The following PAK3 variants were observed in gnomAD, a reference collection of about 807,000 sequenced individuals.
PAK3 encodes the protein p21 (RAC1) activated kinase 3, also known as serine/threonine-protein kinase PAK 3.
PAK3 carries 4 observed loss-of-function variants against 41.0 expected under a neutral mutation model. The ratio of observed to expected loss-of-function variants is 0.10; its 90% CI spans 0.05 to 0.22. The LOEUF is 0.22. Ranked by LOEUF, PAK3 falls within the 10% of genes least tolerant of loss-of-function variation. The pLI is 1.00. For missense variants in PAK3, 205 were observed against 409.9 expected, an observed-to-expected ratio of 0.50 and a Z score of 4.32; for synonymous variants, 146 against 139.6, an observed-to-expected ratio of 1.05 and a Z score of -0.32.
chrX:111,002,767 A>C (rs2091868500), intron 1 of PAK3, among the ~76,000 whole-genome samples: 1 of 110,878 alleles, frequency 9.0e-6, no homozygotes, highest in East Asian at 2.9e-4. Context: ...CTGCAGTAGA[A>C]CTCTGGTCTT....
intron 1 of PAK3, among the ~76,000 whole-genome samples, chrX:111,048,263 C>T (rs1041150822): frequency 9.0e-6 from 1 of 111,107 alleles, no homozygotes; most frequent in Admixed American, 9.6e-5. Context: ...TCTATGTCAT[C>T]TCTAATTGTT....
intron 1 of PAK3, among the ~76,000 whole-genome samples, chrX:111,010,404 G>A (rs73537163): frequency 0.023 from 2,542 of 111,383 alleles, 82 homozygotes; most frequent in African/African-American, 0.08. Context: ...TCATGGTTGT[G>A]TGAACTCTTA....
intron 1 of PAK3, among the ~76,000 whole-genome samples, chrX:110,991,411 A>G (rs1229133812): frequency 9.0e-6 from 1 of 111,543 alleles, no homozygotes; most frequent in Non-Finnish European, 1.9e-5. Context: ...GGGCTTTGGA[A>G]TCTGTCTAAT....
chrX:111,211,700 A>G (rs2094823108), intron 16 of PAK3, among the ~76,000 whole-genome samples: 1 of 109,304 alleles, frequency 9.1e-6, no homozygotes, highest in African/African-American at 3.3e-5. Context: ...AAGAAAGAAA[A>G]TGTATGTGTT....
chrX:110,980,658 C>A lies in PAK3; in HGVS notation c.-28+36030C>A, dbSNP rs181529223. Among the ~76,000 whole-genome samples, 10 of 111,476 alleles carry A rather than the reference C, an allele frequency of 9.0e-5. No individual in the cohort carries two copies. The East Asian group carries it at 2.5e-3, about 28-fold the overall frequency. ...ACATGGGAGCCTTCAGAATGAAGAC[C>A]CAAAGATACAGAGAAAATTTTCCAT... On this transcript the variant is annotated intron_variant, in intron 1 of 14. Transcript: ENST00000425146.
intron 11 of PAK3, among the ~76,000 whole-genome samples, chrX:111,188,057 A>G (rs1015823755): frequency 1.8e-5 from 2 of 108,850 alleles, no homozygotes; most frequent in Non-Finnish European, 3.8e-5. Flanking sequence ...CTGGTGCTCT[A>G]GAGTTTCAGG....
At chrX:111,140,940 G>A (rs949716623) in intron 5 of PAK3, among the ~76,000 whole-genome samples, 1 of 112,057 alleles carries the variant, frequency 8.9e-6, no homozygotes, top group Non-Finnish European at 1.9e-5. Context: ...ACGGTTGAAT[G>A]TTGTCTGTAA....
intron 6 of PAK3, chrX:111,146,469 T>A: frequency 2.4e-6 from 2 of 834,464 alleles, no homozygotes; most frequent in Non-Finnish European, 3.5e-6. Flanking sequence ...TTCTAAGTTG[T>A]CCCACATTCT....
chrX:110,987,568 G>A (rs1278949875), intron 1 of PAK3, among the ~76,000 whole-genome samples: 1 of 111,958 alleles, frequency 8.9e-6, no homozygotes, highest in Non-Finnish European at 1.9e-5. Flanking sequence ...CCCTCTTTGG[G>A]TCTCTGTTTT....
chrX:110,974,542 C>A (rs937033296), intron 1 of PAK3, among the ~76,000 whole-genome samples: 5 of 111,780 alleles, frequency 4.5e-5, no homozygotes, highest in Non-Finnish European at 9.4e-5. Flanking sequence ...CAAAGAGGAG[C>A]TGGTACCATT....
rs112761307 is a variant in PAK3 at position 111,026,249 on chromosome X, T to A, written c.-28+81621T>A. Among the ~76,000 whole-genome samples, 1,059 of 111,481 alleles carry A rather than the reference T, an allele frequency of 9.5e-3. 7 individuals carry two copies. The highest frequency in any genetic ancestry group is 0.023 in the Middle Eastern group (5 of 217). ...ATTCCCCCTGATAACTGGAACAAGA[T>A]AAGGCTGCCCACTTTCACCACTTCT... On this transcript the variant is annotated intron_variant, in intron 1 of 14. Transcript: ENST00000425146.
chrX:110,975,307 C>T (rs1323597261), intron 1 of PAK3, among the ~76,000 whole-genome samples: 2 of 111,990 alleles, frequency 1.8e-5, no homozygotes, highest in Non-Finnish European at 3.8e-5. Context: ...CATTCCTATA[C>T]ACCAATAACA....
At chrX:111,215,291 G>T (rs2094866007) in intron 16 of PAK3, among the ~76,000 whole-genome samples, 1 of 111,668 alleles carries the variant, frequency 9.0e-6, no homozygotes, top group African/African-American at 3.3e-5. Context: ...GGGCGCAGTG[G>T]CTCACACCTG....
intron 3 of PAK3, among the ~76,000 whole-genome samples, chrX:111,102,910 A>G (rs1471769637): frequency 1.8e-5 from 2 of 112,010 alleles, no homozygotes; most frequent in East Asian, 2.8e-4. Flanking sequence ...CTGGAATCCT[A>G]TGTAACAATG....
At chrX:110,991,256 C>A (rs1301971034) in intron 1 of PAK3, among the ~76,000 whole-genome samples, 5 of 112,363 alleles carry the variant, frequency 4.4e-5, no homozygotes, top group African/African-American at 1.6e-4. Flanking sequence ...ATTTCTGCCT[C>A]ATAGGGCTTT....
chrX:111,008,130 G>T (rs933545928), intron 1 of PAK3, among the ~76,000 whole-genome samples: 2 of 112,392 alleles, frequency 1.8e-5, no homozygotes, highest in African/African-American at 6.5e-5. Context: ...TTTCTTCTAT[G>T]TGTAGACAAA....
chrX:111,158,654 T>C (rs976249615), intron 8 of PAK3, among the ~76,000 whole-genome samples: 3 of 112,243 alleles, frequency 2.7e-5, no homozygotes, highest in African/African-American at 9.7e-5. Context: ...TATGGCAGGA[T>C]AGTGTTTGGT....
chrX:110,998,443 AT>A, intron 1 of PAK3, among the ~76,000 whole-genome samples: 1 of 112,417 alleles, frequency 8.9e-6, no homozygotes, highest in East Asian at 2.8e-4. Context: ...ATTTTGTAAC[AT>A]AAAGGTCACT....
intron 1 of PAK3, among the ~76,000 whole-genome samples, chrX:111,035,140 AAAGAAAGAAAGAAAGG>A (rs2092384800): frequency 2.8e-5 from 1 of 35,513 alleles, no homozygotes; most frequent in African/African-American, 5.3e-5. Context: ...AAAAAGAAAG[AAAGAAAGAAAGAAAGG>A]AAGAAAGAAA....
Sources: gnomAD v4.1 joint callset for allele counts (sites outside exome capture counted in the v4.1 genomes callset) on GRCh38, gnomAD v4.1.1 for gene constraint, MANE v1.5 for transcripts, NCBI Gene and HGNC (gene_info 2026-07-23, HGNC 2026-07-21) for gene names.